The following ROBO2 variants were observed in gnomAD, a reference collection of about 807,000 sequenced individuals.
The protein encoded by ROBO2 is roundabout homolog 2.
In ROBO2, 53 loss-of-function variants were observed where a neutral mutation model predicts 160.8. The ratio of observed to expected loss-of-function variants is 0.33; its 90% CI spans 0.26 to 0.41. The LOEUF is 0.41. Ranked by LOEUF, ROBO2 falls within the 10% of genes least tolerant of loss-of-function variation. ROBO2 has a pLI of 1.00. For missense variants in ROBO2, 1,577 were observed against 1,722.4 expected (o/e 0.92, Z 1.49); for synonymous variants, 664 against 611.7 (o/e 1.09, Z -1.26).
intron 2 of ROBO2, among the ~76,000 whole-genome samples, chr3:76,286,936 A>C (rs1277425042): frequency 6.6e-6 from 1 of 152,188 alleles, no homozygotes; most frequent in East Asian, 1.9e-4. Flanking sequence ...AAGAAAAGGC[A>C]TTTAATTCAC....
chr3:76,633,033 G>T (rs143130769), intron 2 of ROBO2, among the ~76,000 whole-genome samples: 1 of 152,196 alleles, frequency 6.6e-6, no homozygotes, highest in Admixed American at 6.5e-5. Context: ...TACAGGGAAA[G>T]ATGTCACAAC....
chr3:76,804,094 G>A (rs1410649760), intron 2 of ROBO2, among the ~76,000 whole-genome samples: 1 of 152,194 alleles, frequency 6.6e-6, no homozygotes, highest in African/African-American at 2.4e-5. Context: ...TTGTGTGGGT[G>A]TAGAGGTGAT....
intron 2 of ROBO2, among the ~76,000 whole-genome samples, chr3:76,843,759 CA>C (rs1416614011): frequency 6.6e-6 from 1 of 151,730 alleles, no homozygotes; most frequent in Non-Finnish European, 1.5e-5. Flanking sequence ...ACAAGATCCC[CA>C]GGTGATTTGT....
chr3:77,388,141 TACACACACAC>T (rs60937023), intron 2 of ROBO2, among the ~76,000 whole-genome samples: 40 of 146,922 alleles, frequency 2.7e-4, no homozygotes, highest in Non-Finnish European at 5.0e-4. Context: ...GATTCACACA[TACACACACAC>T]ACACACACAC....
chr3:76,857,313 T>C (rs1397454161), intron 2 of ROBO2, among the ~76,000 whole-genome samples: 2 of 152,154 alleles, frequency 1.3e-5, no homozygotes, highest in Non-Finnish European at 2.9e-5. Context: ...GAATCTGCAT[T>C]CCCCAGTTCC....
intron 2 of ROBO2, among the ~76,000 whole-genome samples, chr3:76,278,587 A>G (rs546077079): frequency 2.6e-5 from 4 of 152,174 alleles, no homozygotes; most frequent in South Asian, 4.1e-4. Flanking sequence ...TAAGAGAAAC[A>G]TACAAGTTTG....
intron 5 of ROBO2, among the ~76,000 whole-genome samples, chr3:77,506,418 T>C (rs1453495192): frequency 2.0e-5 from 3 of 152,168 alleles, no homozygotes; most frequent in Non-Finnish European, 4.4e-5. Context: ...GCCTTATTTA[T>C]GTTTAATCCT....
intron 5 of ROBO2, among the ~76,000 whole-genome samples, chr3:77,504,293 A>C (rs185526385): frequency 4.6e-4 from 70 of 152,342 alleles, no homozygotes; most frequent in Middle Eastern, 3.4e-3. Flanking sequence ...ACCTTTATAA[A>C]GATGATCTGG....
intron 2 of ROBO2, among the ~76,000 whole-genome samples, chr3:77,324,708 G>A (rs1273767841): frequency 6.6e-6 from 1 of 151,388 alleles, no homozygotes; most frequent in African/African-American, 2.4e-5. Context: ...CGTGAACCTG[G>A]GAGGCGGAGC....
intron 2 of ROBO2, among the ~76,000 whole-genome samples, chr3:76,305,323 C>T (rs182201935): frequency 1.3e-3 from 153 of 118,042 alleles, no homozygotes; most frequent in African/African-American, 4.6e-3. Flanking sequence ...CCCAAGAGTT[C>T]GGGGCTACAG....
intron 2 of ROBO2, among the ~76,000 whole-genome samples, chr3:76,060,906 A>T (rs965799529): frequency 2.6e-5 from 4 of 152,152 alleles, no homozygotes; most frequent in African/African-American, 9.7e-5. Flanking sequence ...GTGGAATTTG[A>T]TTTAATGTTC....
chr3:76,898,312 A>G lies in ROBO2; in HGVS notation c.110-199702A>G, dbSNP rs2074967018. On this transcript the variant is annotated intron_variant, in intron 2 of 26. Coordinates refer to the ROBO2 transcript ENST00000487694. ...TTAACACAATTCAATAGCATAAGAC[A>G]TCCCAAAATTAAGATAAACAGTGCC... 2.0e-5 allele frequency among the ~76,000 whole-genome samples: 3 copies of G among 152,228 alleles called. No individual in the cohort carries two copies. The South Asian group carries it at 6.2e-4, about 32-fold the overall frequency.
chr3:76,220,665 A>G (rs571479447), intron 2 of ROBO2, among the ~76,000 whole-genome samples: 1 of 152,292 alleles, frequency 6.6e-6, no homozygotes, highest in Admixed American at 6.5e-5. Flanking sequence ...ACATTCTTTG[A>G]GTGGTGTTTA....
At chr3:76,675,148 A>C (rs2092375432) in intron 2 of ROBO2, among the ~76,000 whole-genome samples, 1 of 152,182 alleles carries the variant, frequency 6.6e-6, no homozygotes, top group East Asian at 1.9e-4. Context: ...AATTAGTTGC[A>C]TGTCTCTCTG....
chr3:77,167,863 C>T (rs959269884), intron 2 of ROBO2, among the ~76,000 whole-genome samples: 1 of 151,952 alleles, frequency 6.6e-6, no homozygotes, highest in African/African-American at 2.4e-5. Context: ...TTCTAATTGT[C>T]TTCCAAAAAA....
At chr3:77,631,895 A>G (rs2095170585) in intron 23 of ROBO2, 2 of 151,700 alleles carry the variant, frequency 1.3e-5, no homozygotes, top group Non-Finnish European at 2.9e-5. Context: ...TTTAAAATAC[A>G]TTTTTTCTTA....
At chr3:77,556,037 T>G (rs1245052948) in intron 8 of ROBO2, among the ~76,000 whole-genome samples, 1 of 151,498 alleles carries the variant, frequency 6.6e-6, no homozygotes, top group African/African-American at 2.4e-5. Flanking sequence ...AAAAGCAGGT[T>G]ATAAGAAGTT....
At chr3:77,450,507 G>T (rs887425670) in intron 2 of ROBO2, among the ~76,000 whole-genome samples, 9 of 151,944 alleles carry the variant, frequency 5.9e-5, no homozygotes, top group Admixed American at 5.9e-4. Flanking sequence ...TGGCCAATGT[G>T]GTGCCTGCTG....
In ROBO2 at chr3:76,048,364, T is replaced by C. The variant is rs72892625; in HGVS notation, c.109+110762T>C. 8.2e-3 allele frequency among the ~76,000 whole-genome samples: 1,250 copies of C among 152,232 alleles called. 15 individuals are homozygous for C. Among genetic ancestry groups the C allele is most frequent in the African/African-American group, 0.029 (1,192 of 41,536 alleles). On this transcript the variant is annotated intron_variant, in intron 2 of 26. Coordinates refer to the ROBO2 transcript ENST00000487694. ...AACTTATATTTGTGCAACTTGAAAA[T>C]TGTGAATTTTTCCTGCAGTGACAGG...
Sources: gnomAD v4.1 joint callset for allele counts (sites outside exome capture counted in the v4.1 genomes callset) on GRCh38, gnomAD v4.1.1 for gene constraint, MANE v1.5 for transcripts, NCBI Gene and HGNC (gene_info 2026-07-23, HGNC 2026-07-21) for gene names.